The following MAPKAP1 variants were observed in gnomAD, a reference collection of about 807,000 sequenced individuals.
MAPKAP1 encodes the protein target of rapamycin complex 2 subunit MAPKAP1.
In MAPKAP1, 20 loss-of-function variants were observed where a neutral mutation model predicts 65.7. The ratio of observed to expected loss-of-function variants is 0.30; its 90% CI spans 0.21 to 0.44. MAPKAP1 has a LOEUF of 0.44. Among genes scored for constraint, MAPKAP1 ranks in the 20% least tolerant of loss-of-function variants. MAPKAP1 has a pLI of 1.00. For missense variants in MAPKAP1, 423 were observed against 648.0 expected (o/e 0.65, Z 3.77); for synonymous variants, 222 against 244.3 (o/e 0.91, Z 0.85).
chr9:125,440,381 CCTCCTCTG>C (rs916513497), intron 11 of MAPKAP1, among the ~76,000 whole-genome samples: 5 of 152,242 alleles, frequency 3.3e-5, no homozygotes, highest in African/African-American at 1.2e-4. Context: ...CAGCCTCTCA[CCTCCTCTG>C]CTCCTCTGGC....
chr9:125,446,158 A>G (rs1298052467), intron 10 of MAPKAP1, among the ~76,000 whole-genome samples: 1 of 152,204 alleles, frequency 6.6e-6, no homozygotes, highest in African/African-American at 2.4e-5. Context: ...GGGACTTTAC[A>G]GTAGCTAATT....
chr9:125,530,802 G>A (rs916973820), intron 7 of MAPKAP1, among the ~76,000 whole-genome samples: 3 of 152,208 alleles, frequency 2.0e-5, no homozygotes, highest in Admixed American at 2.0e-4. Context: ...GCAGGCAAAG[G>A]CCAAATCATA....
chr9:125,493,987 C>A (rs976283518), intron 8 of MAPKAP1, among the ~76,000 whole-genome samples: 1 of 152,194 alleles, frequency 6.6e-6, no homozygotes, highest in Non-Finnish European at 1.5e-5. Flanking sequence ...AAATGCATAA[C>A]TCCATGGGCT....
intron 5 of MAPKAP1, among the ~76,000 whole-genome samples, chr9:125,577,459 C>A (rs1831456112): frequency 6.9e-6 from 1 of 144,448 alleles, no homozygotes; most frequent in Admixed American, 6.7e-5. Context: ...CCCCGCCCAG[C>A]CAGCCGCCCC....
intron 1 of MAPKAP1, among the ~76,000 whole-genome samples, chr9:125,685,714 C>T (rs1335729831): frequency 6.6e-6 from 1 of 152,196 alleles, no homozygotes; most frequent in East Asian, 1.9e-4. Context: ...TCTAAACTCT[C>T]AAGACACTGA....
rs1853159305 is a variant in MAPKAP1, at chr9:125,456,302, G to C, written c.1345+11670C>G. On this transcript the variant is annotated intron_variant, in intron 10 of 11. Coordinates refer to ENST00000265960, the MANE Select transcript of MAPKAP1 (RefSeq NM_001006617.3). ...GATATTTGAAATCAAATCTGGAATAGTTTTTCCCCTCCATCACCAAGACTA... is the reference window on the plus strand; with the variant it reads ...GATATTTGAAATCAAATCTGGAATACTTTTTCCCCTCCATCACCAAGACTA... Among the ~76,000 whole-genome samples the C allele has an allele frequency of 2.0e-5, 3 of 152,172 alleles. No individual in the cohort carries two copies. In the South Asian group the frequency reaches 6.2e-4, roughly 32 times the overall value.
intron 7 of MAPKAP1, among the ~76,000 whole-genome samples, chr9:125,514,049 G>A (rs1294661119): frequency 6.6e-6 from 1 of 152,132 alleles, no homozygotes; most frequent in East Asian, 1.9e-4. Context: ...GTGACGCTGG[G>A]TCTGAGCTCA....
intron 4 of MAPKAP1, among the ~76,000 whole-genome samples, chr9:125,639,555 C>T (rs1231145855): frequency 6.6e-6 from 1 of 152,130 alleles, no homozygotes; most frequent in Non-Finnish European, 1.5e-5. Context: ...CCACCTAATA[C>T]CTACTGAACA....
intron 6 of MAPKAP1, among the ~76,000 whole-genome samples, chr9:125,546,856 G>C (rs148761058): frequency 6.6e-6 from 1 of 151,966 alleles, no homozygotes; most frequent in African/African-American, 2.4e-5. Context: ...TCAAAGTCTC[G>C]GCTCAGAAAC....
intron 10 of MAPKAP1, among the ~76,000 whole-genome samples, chr9:125,460,179 T>C (rs10986770): frequency 0.02 from 3,059 of 152,150 alleles, 165 homozygotes; most frequent in East Asian, 0.14. Flanking sequence ...GTAATCAAAA[T>C]CTAGGAAAAC....
intron 6 of MAPKAP1, among the ~76,000 whole-genome samples, chr9:125,548,108 C>T (rs771373005): frequency 6.6e-6 from 1 of 152,124 alleles, no homozygotes; most frequent in Non-Finnish European, 1.5e-5. Context: ...AAAATAGGTA[C>T]AATTATTACA....
chr9:125,467,515 G>A (rs1018183870), intron 10 of MAPKAP1, among the ~76,000 whole-genome samples: 3 of 152,154 alleles, frequency 2.0e-5, no homozygotes, highest in African/African-American at 7.2e-5. Context: ...TGACACTTCC[G>A]GCATGATGGA....
At chr9:125,625,252 A>AAT (rs1564589537) in intron 4 of MAPKAP1, among the ~76,000 whole-genome samples, 198 of 24,840 alleles carry the variant, frequency 8.0e-3, no homozygotes, top group African/African-American at 0.013. Context: ...AAAAATAAAT[A>AAT]AATAAAAAAA....
At chr9:125,584,865 T>C (rs1831732863) in intron 5 of MAPKAP1, among the ~76,000 whole-genome samples, 1 of 152,204 alleles carries the variant, frequency 6.6e-6, no homozygotes, top group Admixed American at 6.5e-5. Flanking sequence ...CAAAGCACTT[T>C]AAAGTTCAAA....
chr9:125,490,569 C>CA (rs1296245399), intron 8 of MAPKAP1, among the ~76,000 whole-genome samples: 2 of 151,880 alleles, frequency 1.3e-5, no homozygotes, highest in African/African-American at 2.4e-5. Context: ...AACAAACCAA[C>CA]AAAAAAACAA....
intron 10 of MAPKAP1, chr9:125,451,149 G>T (rs1269833027): frequency 6.6e-6 from 1 of 152,102 alleles, no homozygotes; most frequent in Non-Finnish European, 1.5e-5. Context: ...AACTCCCATG[G>T]CAATGTGATT....
intron 4 of MAPKAP1, among the ~76,000 whole-genome samples, chr9:125,638,579 T>A (rs760105569): frequency 1.2e-4 from 19 of 152,222 alleles, no homozygotes; most frequent in Admixed American, 6.5e-4. Context: ...ACAAGCAACA[T>A]CCTTTCTCCC....
chr9:125,637,904 C>T (rs539647489), intron 4 of MAPKAP1, among the ~76,000 whole-genome samples: 6 of 152,288 alleles, frequency 3.9e-5, no homozygotes, highest in African/African-American at 1.4e-4. Flanking sequence ...TCCCAAGTAG[C>T]TGGGATTACA....
At chr9:125,705,036 T>C (rs1474821436) in intron 1 of MAPKAP1, among the ~76,000 whole-genome samples, 2 of 152,200 alleles carry the variant, frequency 1.3e-5, no homozygotes, top group African/African-American at 2.4e-5. Flanking sequence ...TCTTCTCTGC[T>C]CATATTCAAA....
Sources: gnomAD v4.1 joint callset for allele counts (sites outside exome capture counted in the v4.1 genomes callset) on GRCh38, gnomAD v4.1.1 for gene constraint, MANE v1.5 for transcripts, NCBI Gene and HGNC (gene_info 2026-07-23, HGNC 2026-07-21) for gene names.